GRAP2: variants seen among roughly 807,000 people sequenced by gnomAD.
GRAP2 encodes GRB2-related adapter protein 2.
GRAP2 carries 31 observed loss-of-function variants against 43.5 expected under a neutral mutation model. That is an observed-to-expected ratio of 0.71 (90% confidence interval 0.54 to 0.96). The LOEUF (loss-of-function observed/expected upper bound fraction) is 0.96. Among genes scored for constraint, GRAP2 ranks in the 40% least tolerant of loss-of-function variants. The pLI, the probability that GRAP2 is intolerant of heterozygous loss-of-function variation, is 0.00. For missense variants in GRAP2, 371 were observed against 424.4 expected (o/e 0.87, Z 1.11); for synonymous variants, 156 against 164.8 (o/e 0.95, Z 0.41).
In GRAP2 at chr22:39,901,230, G is replaced by A. The variant is rs1472343840; in HGVS notation, c.-115G>A. The A allele has an allele frequency of 8.4e-6, 10 of 1,196,760 alleles. No homozygotes were observed. Among genetic ancestry groups the A allele is most frequent in the Non-Finnish European group, 1.1e-5 (10 of 904,298 alleles). The allele number at this position is 1,196,760 out of a possible 1,614,324, so 74.1% of individuals were successfully genotyped here. ...AAGTGGATCCATACTCTGAAATGCA[G>A]TAACTCTGATGCTTGAATTTGTCTC... On this transcript the variant is annotated 5_prime_UTR_variant, in exon 1 of 8. Transcript: ENST00000344138.
intron 4 of GRAP2, among the ~76,000 whole-genome samples, chr22:39,963,527 C>T (rs1390096853): frequency 6.6e-6 from 1 of 152,174 alleles, no homozygotes; most frequent in East Asian, 1.9e-4. Flanking sequence ...AAGAAAGTAT[C>T]TGTTGGTGGC....
At chr22:39,935,786 G>A (rs771446346) in intron 1 of GRAP2, among the ~76,000 whole-genome samples, 8 of 152,186 alleles carry the variant, frequency 5.3e-5, no homozygotes, top group Non-Finnish European at 1.0e-4. Context: ...TAAAGTAATT[G>A]TGGTCATGCC....
chr22:39,945,569 C>T (rs1282957674), intron 1 of GRAP2, among the ~76,000 whole-genome samples: 1 of 152,096 alleles, frequency 6.6e-6, no homozygotes, highest in Non-Finnish European at 1.5e-5. Context: ...TTATTTTCTA[C>T]CCTAAAGGGT....
At chr22:39,909,195 C>A (rs143571801) in intron 1 of GRAP2, among the ~76,000 whole-genome samples, 6 of 152,022 alleles carry the variant, frequency 3.9e-5, no homozygotes, top group East Asian at 3.8e-4. Flanking sequence ...TTTTATAAAC[C>A]GGGTACTATA....
rs770856671 is a variant in GRAP2, at chr22:39,970,989, G to A, written c.898G>A (p.Val300Ile). The A allele has an allele frequency of 1.9e-6, 3 of 1,613,372 alleles. No homozygotes were observed. In the African/African-American group the frequency reaches 4.0e-5, roughly 22 times the overall value. Residue 300 changes from valine to isoleucine, a missense_variant, in exon 8 of 8, where the codon GTC becomes ATC. Transcript: ENST00000344138. ...LGFHSGEVVE[V>I]LDSSNPSWWT... The stretch of plus-strand genomic sequence containing the variant: ...GTTCCACAGCGGGGAGGTGGTGGAG[G>A]TCCTGGATAGCTCCAACCCATCCTG...
intron 4 of GRAP2, among the ~76,000 whole-genome samples, chr22:39,962,689 GCT>G (rs1314262443): frequency 6.6e-6 from 1 of 151,688 alleles, no homozygotes; most frequent in African/African-American, 2.4e-5. Flanking sequence ...ACAGACTCTC[GCT>G]CTGTCGCCCA....
At chr22:39,969,022 T>G (rs2067209087) in intron 6 of GRAP2, among the ~76,000 whole-genome samples, 1 of 152,188 alleles carries the variant, frequency 6.6e-6, no homozygotes, top group Non-Finnish European at 1.5e-5. Context: ...AAGCCTTCCT[T>G]GATTTCCCGG....
At chr22:39,922,778 C>T (rs971223019) in intron 1 of GRAP2, among the ~76,000 whole-genome samples, 1 of 152,102 alleles carries the variant, frequency 6.6e-6, no homozygotes, top group Non-Finnish European at 1.5e-5. Flanking sequence ...TGCGGTGGCT[C>T]GCGCCTGTAA....
chr22:39,903,626 C>T (rs891859541), intron 1 of GRAP2, among the ~76,000 whole-genome samples: 1 of 151,958 alleles, frequency 6.6e-6, no homozygotes, highest in Admixed American at 6.6e-5. Flanking sequence ...TACAGGTACA[C>T]ACCACCACAC....
upstream of GRAP2, among the ~76,000 whole-genome samples, chr22:39,898,624 C>T (rs372548913): frequency 3.0e-4 from 45 of 152,206 alleles, no homozygotes; most frequent in South Asian, 1.0e-3. Flanking sequence ...ACCAGCCTGA[C>T]CAACATGGCG....
chr22:39,970,837 C>A (rs2067233416), intron 7 of GRAP2, 68 bp from the exon 8 acceptor site: 1 of 1,362,004 alleles, frequency 7.3e-7, no homozygotes, highest in Middle Eastern at 2.6e-4. Context: ...GTGGGAGGAG[C>A]CAGCAGACCC....
intron 1 of GRAP2, among the ~76,000 whole-genome samples, chr22:39,912,046 A>G (rs2066570922): frequency 6.6e-6 from 1 of 152,208 alleles, no homozygotes; most frequent in Non-Finnish European, 1.5e-5. Context: ...AAAAGGTTAG[A>G]GTCCTTAGTT....
chr22:39,905,645 C>G (rs2066518345), intron 1 of GRAP2, among the ~76,000 whole-genome samples: 1 of 152,182 alleles, frequency 6.6e-6, no homozygotes, highest in Non-Finnish European at 1.5e-5. Context: ...TTTGTAGGTA[C>G]TAACTCGTCT....
At chr22:39,968,524 C>A in intron 6 of GRAP2, 1 of 524,182 alleles carries the variant, frequency 1.9e-6, no homozygotes, top group Admixed American at 3.5e-5. Context: ...CACACACACA[C>A]TTCCCCTGAG....
chr22:39,939,114 G>C (rs1484057546), intron 1 of GRAP2, among the ~76,000 whole-genome samples: 1 of 152,236 alleles, frequency 6.6e-6, no homozygotes, highest in African/African-American at 2.4e-5. Context: ...CAACTAGCCA[G>C]AAAGGGTTTT....
chr22:39,905,697 C>CT (rs749455889), intron 1 of GRAP2, among the ~76,000 whole-genome samples: 1 of 152,064 alleles, frequency 6.6e-6, no homozygotes, highest in African/African-American at 2.4e-5. Context: ...TAATAATACC[C>CT]TTTTTTCACA....
intron 3 of GRAP2, among the ~76,000 whole-genome samples, chr22:39,956,942 C>A (rs941076805): frequency 7.2e-5 from 11 of 152,136 alleles, no homozygotes; most frequent in African/African-American, 2.7e-4. Flanking sequence ...CAGGCTCTCA[C>A]CCTTCACTCA....
At chr22:39,941,351 C>T (rs1405408111) in intron 1 of GRAP2, among the ~76,000 whole-genome samples, 1 of 152,168 alleles carries the variant, frequency 6.6e-6, no homozygotes, top group African/African-American at 2.4e-5. Context: ...AAATAGGACA[C>T]TCAGGAAGTG....
chr22:39,969,914 CA>C (rs555452452), intron 7 of GRAP2, among the ~76,000 whole-genome samples: 2 of 152,070 alleles, frequency 1.3e-5, no homozygotes, highest in African/African-American at 4.8e-5. Flanking sequence ...AACTCCGTCT[CA>C]AAAAACAAAA....
Sources: gnomAD v4.1 joint callset for allele counts (sites outside exome capture counted in the v4.1 genomes callset) on GRCh38, gnomAD v4.1.1 for gene constraint, MANE v1.5 for transcripts, NCBI Gene and HGNC (gene_info 2026-07-23, HGNC 2026-07-21) for gene names.